Variants in AGBL4 observed in about 807,000 individuals in gnomAD.
The protein encoded by AGBL4 is cytosolic carboxypeptidase 6.
Under a neutral mutation model 66.4 loss-of-function variants are expected in AGBL4, and 58 were observed. The ratio of observed to expected loss-of-function variants is 0.87; its 90% CI spans 0.71 to 1.09. AGBL4 has a LOEUF of 1.09. Among genes scored for constraint, AGBL4 ranks in the 50% least tolerant of loss-of-function variants. The pLI is 0.00. For synonymous variants in AGBL4, 234 were observed against 222.9 expected, an observed-to-expected ratio of 1.05 and a Z score of -0.44; for missense variants, 579 against 631.0, an observed-to-expected ratio of 0.92 and a Z score of 0.88.
In AGBL4 at chr1:49,569,680, T is replaced by G. The variant is rs1053128849; in HGVS notation, c.282+127633A>C. ...CAAGTGAGTGCTTTCAGGTTATCCA[T>G]AAACAAAATAATGTACATTGCACAC... On this transcript the variant is annotated intron_variant, in intron 3 of 13. Transcript: ENST00000371839. Among the ~76,000 whole-genome samples the G allele has an allele frequency of 3.9e-5, 6 of 152,148 alleles. No homozygotes were observed. In the East Asian group the frequency reaches 1.2e-3, roughly 29 times the overall value.
At chr1:49,555,762 A>G (rs2148845882) in intron 3 of AGBL4, among the ~76,000 whole-genome samples, 1 of 152,198 alleles carries the variant, frequency 6.6e-6, no homozygotes, top group East Asian at 1.9e-4. Flanking sequence ...TATGCAGCCA[A>G]CAGACACATG....
chr1:49,115,532 C>A (rs1182877926), intron 4 of AGBL4, among the ~76,000 whole-genome samples: 2 of 151,936 alleles, frequency 1.3e-5, no homozygotes, highest in Non-Finnish European at 2.9e-5. Flanking sequence ...AAGCTGTTAT[C>A]TACTCCAATT....
In AGBL4 at chr1:49,727,969, A is replaced by G. The variant is rs183819669; in HGVS notation, c.158-30532T>C. Among the ~76,000 whole-genome samples the G allele has an allele frequency of 8.5e-5, 13 of 152,292 alleles. No individual in the cohort carries two copies. In the East Asian group the frequency reaches 2.1e-3, roughly 25 times the overall value. ...TATTCCCAGCAACACACATGAAAAA[A>G]GAGTATTGAAAAGGGGTTTTGCATA... On this transcript the variant is annotated intron_variant, in intron 2 of 13. Transcript: ENST00000371839.
At chr1:49,899,941 C>T (rs1649605588) in intron 1 of AGBL4, among the ~76,000 whole-genome samples, 1 of 152,022 alleles carries the variant, frequency 6.6e-6, no homozygotes, top group Non-Finnish European at 1.5e-5. Context: ...ACAGGGGAGG[C>T]TGAGGCTGGA....
intron 5 of AGBL4, among the ~76,000 whole-genome samples, chr1:49,037,823 T>A (rs1557585243): frequency 6.6e-6 from 1 of 152,048 alleles, no homozygotes; most frequent in Admixed American, 6.6e-5. Flanking sequence ...GCATCCAACA[T>A]AGAGCCTGGC....
chr1:48,802,718 C>A (rs1456542197), intron 6 of AGBL4, among the ~76,000 whole-genome samples: 1 of 152,164 alleles, frequency 6.6e-6, no homozygotes, highest in African/African-American at 2.4e-5. Context: ...TCTATGCTCC[C>A]AGTAATATCC....
intron 8 of AGBL4, among the ~76,000 whole-genome samples, chr1:48,636,462 T>C (rs960674497): frequency 3.9e-5 from 6 of 152,216 alleles, no homozygotes; most frequent in Non-Finnish European, 7.3e-5. Flanking sequence ...TTAGAAAATG[T>C]AAATAACTTT....
chr1:49,887,234 T>C (rs967475129), intron 1 of AGBL4, among the ~76,000 whole-genome samples: 1 of 150,542 alleles, frequency 6.6e-6, no homozygotes, highest in Non-Finnish European at 1.5e-5. Context: ...ATATACATTG[T>C]ATATATATGT....
At chr1:49,649,088 ACAAATACAG>A (rs1265837113) in intron 3 of AGBL4, among the ~76,000 whole-genome samples, 1 of 152,146 alleles carries the variant, frequency 6.6e-6, no homozygotes, top group African/African-American at 2.4e-5. Flanking sequence ...GACAGGAGGG[ACAAATACAG>A]CAGATATTAA....
At chr1:49,742,178 A>C (rs1650559098) in intron 2 of AGBL4, among the ~76,000 whole-genome samples, 1 of 151,386 alleles carries the variant, frequency 6.6e-6, no homozygotes, top group Non-Finnish European at 1.5e-5. Flanking sequence ...AAATCTCCTT[A>C]AGCTGATAAG....
chr1:49,708,932 C>G (rs1371357648), intron 2 of AGBL4, among the ~76,000 whole-genome samples: 3 of 152,192 alleles, frequency 2.0e-5, no homozygotes, highest in Non-Finnish European at 2.9e-5. Flanking sequence ...TAGAACCTTC[C>G]TCTCCCAGAG....
At chr1:49,768,158 T>C (rs548673847) in intron 2 of AGBL4, among the ~76,000 whole-genome samples, 22 of 152,166 alleles carry the variant, frequency 1.4e-4, no homozygotes, top group Non-Finnish European at 2.1e-4. Context: ...GAGGGTCTCA[T>C]CTCTATCTCA....
chr1:48,789,530 C>CTG (rs1645493957), intron 6 of AGBL4, among the ~76,000 whole-genome samples: 1 of 152,048 alleles, frequency 6.6e-6, no homozygotes, highest in South Asian at 2.1e-4. Flanking sequence ...ACCTTGTGAT[C>CTG]CTACCACCTT....
At chr1:49,634,513 G>A (rs936018209) in intron 3 of AGBL4, among the ~76,000 whole-genome samples, 5 of 152,186 alleles carry the variant, frequency 3.3e-5, no homozygotes, top group South Asian at 2.1e-4. Flanking sequence ...GAACAGTGTC[G>A]CAATAAACAT....
chr1:49,715,252 G>A (rs1365023849), intron 2 of AGBL4, among the ~76,000 whole-genome samples: 2 of 152,016 alleles, frequency 1.3e-5, no homozygotes, highest in Non-Finnish European at 2.9e-5. Flanking sequence ...TGCTGAGAAT[G>A]ATGGTTTCCA....
intron 4 of AGBL4, among the ~76,000 whole-genome samples, chr1:49,228,189 A>G (rs1650049760): frequency 6.6e-6 from 1 of 152,228 alleles, no homozygotes; most frequent in South Asian, 2.1e-4. Flanking sequence ...TATTTATTAA[A>G]GGTCATACTA....
chr1:49,567,870 T>G (rs1278920543), intron 3 of AGBL4, among the ~76,000 whole-genome samples: 2 of 152,202 alleles, frequency 1.3e-5, no homozygotes, highest in Admixed American at 6.5e-5. Flanking sequence ...AAAAACTACA[T>G]GATCATTTCA....
Position 48,816,385 on chromosome 1 carries a change from G to A in AGBL4, c.634+50806C>T, listed in dbSNP as rs12080260. Among the ~76,000 whole-genome samples the A allele has an allele frequency of 5.4e-3, 822 of 152,236 alleles. 13 individuals carry two copies. Among genetic ancestry groups the A allele is most frequent in the African/African-American group, 0.018 (751 of 41,522 alleles). Reference sequence around the variant, plus strand: ...GAACAGCCAGATTTTGCTTTGCCAAGTCAATCTAAAAAGTAACTCAAACAG... The same window carrying A: ...GAACAGCCAGATTTTGCTTTGCCAAATCAATCTAAAAAGTAACTCAAACAG... On this transcript the variant is annotated intron_variant, in intron 6 of 13. Transcript: ENST00000371839.
At chr1:48,789,729 C>T (rs933675918) in intron 6 of AGBL4, among the ~76,000 whole-genome samples, 1 of 152,128 alleles carries the variant, frequency 6.6e-6, no homozygotes, top group Non-Finnish European at 1.5e-5. Context: ...GTTAAGCTCA[C>T]TAACTCCAAG....
Sources: gnomAD v4.1 joint callset for allele counts (sites outside exome capture counted in the v4.1 genomes callset) on GRCh38, gnomAD v4.1.1 for gene constraint, MANE v1.5 for transcripts, NCBI Gene and HGNC (gene_info 2026-07-23, HGNC 2026-07-21) for gene names.